Variants in TFRC observed in about 807,000 individuals in gnomAD.
TFRC encodes the protein transferrin receptor protein 1.
In TFRC, 35 loss-of-function variants were observed where a neutral mutation model predicts 85.8. That is an observed-to-expected ratio of 0.41 (90% confidence interval 0.31 to 0.54). TFRC has a LOEUF of 0.54. TFRC is among the 20% of genes least tolerant of loss of function. The probability of loss-of-function intolerance (pLI) is 0.31; values close to 1 mark genes in which losing one functional copy is unlikely to be tolerated. For synonymous variants in TFRC, 362 were observed against 328.6 expected (o/e 1.10, Z -1.10); for missense variants, 828 against 921.5 (o/e 0.90, Z 1.31).
chr3:196,057,955 CT>C, intron 16 of TFRC: 1 of 175,280 alleles, frequency 5.7e-6, no homozygotes, highest in East Asian at 1.4e-4. Flanking sequence ...TTTTTTTTTC[CT>C]TTTTACAAAA....
At chr3:196,058,702 G>A (rs1717027305) in intron 14 of TFRC, 70 bp from the exon 15 acceptor site, 1 of 1,041,686 alleles carries the variant, frequency 9.6e-7, no homozygotes, top group Admixed American at 2.3e-5. Flanking sequence ...TCACTAACAT[G>A]TTACTCTATA....
intron 1 of TFRC, among the ~76,000 whole-genome samples, chr3:196,079,741 A>T (rs1325977512): frequency 6.6e-6 from 1 of 152,234 alleles, no homozygotes; most frequent in Admixed American, 6.5e-5. Flanking sequence ...ACGTAGCCCC[A>T]CGTTTTGAAC....
chr3:196,069,687 G>A, intron 6 of TFRC, 119 bp from the exon 7 acceptor site: 1 of 577,712 alleles, frequency 1.7e-6, no homozygotes, highest in Non-Finnish European at 3.0e-6. Context: ...GAGATAAAAG[G>A]AGGCCAAGGC....
At chr3:196,064,882 G>A (rs1717584425) in intron 10 of TFRC, among the ~76,000 whole-genome samples, 1 of 152,176 alleles carries the variant, frequency 6.6e-6, no homozygotes, top group Non-Finnish European at 1.5e-5. Context: ...CACTGGTCTA[G>A]TCAATAACTT....
Position 196,062,575 on chromosome 3 carries a change from T to C in TFRC, c.1468+7A>G. 1 of 1,602,826 alleles carries C rather than the reference T, an allele frequency of 6.2e-7. No homozygotes were observed. The highest frequency in any genetic ancestry group is 8.5e-7 in the Non-Finnish European group (1 of 1,176,282). On this transcript the variant is annotated splice_region_variant and intron_variant, in intron 13 of 18. Transcript: ENST00000360110. ...ATTCATACACAGCTAATGAAAGGGA[T>C]ACTTACCAAGAACCGCTTTATCCAG...
Position 196,065,422 on chromosome 3 carries a change from G to A in TFRC, c.1198+21C>T, listed in dbSNP as rs765789154. On this transcript the variant is annotated intron_variant, in intron 10 of 18. Coordinates refer to ENST00000360110, the MANE Select transcript of TFRC (RefSeq NM_001128148.3). ...AAAACAAAAAAAAAGCGGGGCGGGG[G>A]GGGGGGGGGGCGGTCTTTACCTGGT... is the stretch of plus-strand genomic sequence containing the variant. The A allele has an allele frequency of 4.4e-5, 22 of 501,600 alleles. 1 individual carries two copies. Among genetic ancestry groups the A allele is most frequent in the South Asian group, 1.4e-4 (4 of 28,128 alleles). The allele number at this position is 501,600 out of a possible 1,614,324, so 31.1% of individuals were successfully genotyped here. A position where few individuals can be genotyped will look rare whatever the true frequency, so the allele number is the denominator to read the frequency against.
intron 14 of TFRC, chr3:196,058,943 G>C (rs1717048478): frequency 5.8e-6 from 1 of 171,586 alleles, no homozygotes. Context: ...GAGCTGGGAG[G>C]ATCACTTGAG....
At chr3:196,067,791 C>A (rs945061501) in intron 8 of TFRC, 134 bp from the exon 9 acceptor site, 17 of 1,000,076 alleles carry the variant, frequency 1.7e-5, no homozygotes, top group Non-Finnish European at 2.3e-5. Context: ...AGTGGCTCTA[C>A]AATGTGACTC....
rs1716344638 is a variant in TFRC, at chr3:196,051,966, A to G, written c.2259T>C (p.Val753=). The G allele has an allele frequency of 9.3e-6, 15 of 1,614,172 alleles. No individual in the cohort carries two copies. The highest frequency in any genetic ancestry group is 4.5e-5 in the East Asian group (2 of 44,890). Residue 753 remains valine, a synonymous_variant, in exon 19 of 19, where the codon GTT becomes GTC. Transcript: ENST00000360110. ...TTTAAAACTCATTGTCAATGTCCCA[A>G]ACGTCACCAGAGAGGGCATTTGCAG... The part of the protein sequence containing the change: ...QGAANALSGD[V]WDIDNEF
chr3:196,074,319 A>G (rs1436367432), intron 3 of TFRC, 194 bp from the exon 4 acceptor site: 1 of 449,904 alleles, frequency 2.2e-6, no homozygotes, highest in East Asian at 3.6e-5. Context: ...TTTATTTCAA[A>G]TAGCTACCTA....
intron 17 of TFRC, 64 bp from the exon 18 acceptor site, chr3:196,053,622 C>A: frequency 1.3e-6 from 2 of 1,590,206 alleles, no homozygotes; most frequent in Non-Finnish European, 1.7e-6. Context: ...GTATGCCTTT[C>A]TAATTTAACG....
Position 196,068,072 on chromosome 3 carries a change from T to C in TFRC, c.860A>G (p.Lys287Arg), listed in dbSNP as rs753413244. 6.2e-7 allele frequency: 1 copy of C among 1,613,314 alleles called. No individual in the cohort carries two copies. The highest frequency in any genetic ancestry group is 2.2e-5 in the East Asian group (1 of 44,852). ...IGVLIYMDQT[K>R]FPIVNAELSF... ...AAGTTCTGCGTTAACAATGGGAAAT[T>C]TAGTCTGGTCCATGTATATCAACAC... The change falls in exon 8 of 19, where the codon AAA (lysine) becomes AGA (arginine). Residue 287 changes from lysine (K) to arginine (R), a missense_variant. Lys to Arg is a conservative substitution (Grantham distance 26). Transcript: ENST00000360110.
chr3:196,053,192 C>A (rs1716487862), intron 18 of TFRC, among the ~76,000 whole-genome samples: 1 of 152,072 alleles, frequency 6.6e-6, no homozygotes, highest in Non-Finnish European at 1.5e-5. Flanking sequence ...GATTCTTTTC[C>A]CCATTGGAGC....
At chr3:196,056,206 T>C (rs530932925) in intron 16 of TFRC, among the ~76,000 whole-genome samples, 1 of 152,218 alleles carries the variant, frequency 6.6e-6, no homozygotes, top group South Asian at 2.1e-4. Context: ...ATTTAAAAAA[T>C]TTTTTGTAGA....
intron 10 of TFRC, among the ~76,000 whole-genome samples, chr3:196,064,974 T>C (rs1156572245): frequency 2.0e-5 from 3 of 152,192 alleles, no homozygotes; most frequent in African/African-American, 4.8e-5. Flanking sequence ...AACTGACACA[T>C]AGGCTGGGCG....
At chr3:196,071,608 A>C in intron 5 of TFRC, 110 bp from the exon 6 acceptor site, 1 of 1,083,272 alleles carries the variant, frequency 9.2e-7, no homozygotes, top group Non-Finnish European at 1.4e-6. Flanking sequence ...TTACCTCTAA[A>C]TCTTAAGCTT....
At chr3:196,074,558 C>T (rs1368908385) in intron 3 of TFRC, 1 of 157,204 alleles carries the variant, frequency 6.4e-6, no homozygotes, top group Non-Finnish European at 1.4e-5. Flanking sequence ...ATAGAATCTA[C>T]TCATGATTGT....
At chr3:196,068,253 A>AT in intron 7 of TFRC, 123 bp from the exon 8 acceptor site, 2 of 582,522 alleles carry the variant, frequency 3.4e-6, no homozygotes, top group Non-Finnish European at 5.8e-6. Flanking sequence ...ACTTCCAAAT[A>AT]TTTCAAATTG....
At chr3:196,066,711 C>T (rs756531612) in intron 9 of TFRC, among the ~76,000 whole-genome samples, 3 of 152,156 alleles carry the variant, frequency 2.0e-5, no homozygotes, top group Non-Finnish European at 4.4e-5. Context: ...CTCCCCTATG[C>T]TAAAGGCCTC....
Sources: allele counts gnomAD v4.1 joint callset (sites outside exome capture counted in the v4.1 genomes callset), GRCh38; gene constraint gnomAD v4.1.1; transcripts MANE v1.5; gene names NCBI Gene and HGNC (gene_info 2026-07-23, HGNC 2026-07-21).